MBTPS1: variants seen among roughly 807,000 people sequenced by gnomAD.
MBTPS1 encodes the protein membrane-bound transcription factor site-1 protease.
In MBTPS1, 94 loss-of-function variants were observed where a neutral mutation model predicts 127.8. That is an observed-to-expected ratio of 0.74 (90% CI 0.62 to 0.87). The LOEUF (loss-of-function observed/expected upper bound fraction) is 0.87. Ranked by LOEUF, MBTPS1 falls within the 40% of genes least tolerant of loss-of-function variation. The pLI is 0.00. For synonymous variants in MBTPS1, 632 were observed against 509.4 expected (o/e 1.24, Z -3.24); for missense variants, 1,636 against 1,353.2 (o/e 1.21, Z -3.28).
chr16:84,061,649 G>C (rs999781), intron 19 of MBTPS1: 32,937 of 152,210 alleles, frequency 0.22, 3,904 homozygotes, highest in Non-Finnish European at 0.27. Context: ...GCTTCGAGTC[G>C]GCAGGGCCCT....
At chr16:84,089,165 G>A (rs564504149) in intron 8 of MBTPS1, among the ~76,000 whole-genome samples, 9 of 152,268 alleles carry the variant, frequency 5.9e-5, no homozygotes, top group African/African-American at 2.2e-4. Flanking sequence ...ACAGAAGGAG[G>A]ACACTCATTC....
In MBTPS1 at chr16:84,069,989, A is replaced by G. The variant is rs1259781719; in HGVS notation, c.1832T>C (p.Val611Ala). 1.2e-6 allele frequency: 2 copies of G among 1,613,876 alleles called. No homozygotes were observed. Among genetic ancestry groups the G allele is most frequent in the African/African-American group, 1.3e-5 (1 of 74,850 alleles). The change falls in exon 14 of 23, where the codon GTG becomes GCG. Residue 611 changes from valine to alanine, a missense_variant. Physicochemically the swap from Val to Ala is moderately conservative, Grantham distance 64. Coordinates refer to ENST00000343411, the MANE Select transcript of MBTPS1 (RefSeq NM_003791.4). ...TCGCGGGGGAGTAGGAATTATCTTC[A>G]CCTTAATGGGGAGCTTTACTGTTGA... ...QTSTVKLPIKVKIIPTPPRSK... is the reference protein window; with the variant it reads ...QTSTVKLPIKAKIIPTPPRSK...
intron 22 of MBTPS1, among the ~76,000 whole-genome samples, chr16:84,055,612 T>G (rs920578039): frequency 3.3e-5 from 5 of 152,160 alleles, no homozygotes; most frequent in Admixed American, 6.5e-5. Flanking sequence ...GGCTGAGGGC[T>G]GGGAGCCAGG....
chr16:84,059,590 C>G (rs2085575834), intron 20 of MBTPS1, 162 bp from the exon 21 acceptor site: 2 of 581,152 alleles, frequency 3.4e-6, no homozygotes, highest in Non-Finnish European at 6.0e-6. Context: ...GGAGCCACGC[C>G]TGATTGGTTC....
chr16:84,081,839 C>T lies in MBTPS1; in HGVS notation c.1356G>A (p.Arg452=), dbSNP rs2085946407. 1 of 1,532,572 alleles carries T rather than the reference C, an allele frequency of 6.5e-7. No homozygotes were observed. The highest frequency in any genetic ancestry group is 8.8e-7 in the Non-Finnish European group (1 of 1,137,738). 94.9% of individuals were successfully genotyped at this position (1,532,572 alleles called of 1,614,324 possible). The change falls in exon 11 of 23, where the codon AGG becomes AGA. Residue 452 remains arginine (R), a synonymous_variant. Transcript: ENST00000343411. ...GCTCAAACATGTTGACCCCGGGGAG[C>T]CTCCGGGCTGACGCGATCAGGGCCT... ...MKQALIASAR[R]LPGVNMFEQG... is the part of the protein sequence containing the mutation.
At chr16:84,096,232 G>A (rs1277412445) in intron 3 of MBTPS1, among the ~76,000 whole-genome samples, 1 of 152,048 alleles carries the variant, frequency 6.6e-6, no homozygotes, top group Non-Finnish European at 1.5e-5. Flanking sequence ...TAGATTTCTT[G>A]GGCAGGCAAA....
At chr16:84,114,307 A>T (rs938309573) in intron 1 of MBTPS1, among the ~76,000 whole-genome samples, 2 of 152,136 alleles carry the variant, frequency 1.3e-5, no homozygotes, top group African/African-American at 4.8e-5. Flanking sequence ...GCAACCATTT[A>T]TTCTGGCACA....
rs747249664 is a variant in MBTPS1 at position 84,091,719 on chromosome 16, T to C, written c.963+13A>G. ...GCTGTCACCCAAACCCCGTGTGCAG[T>C]GACTCCACAAACCTTGTCAACAAAC... On this transcript the variant is annotated intron_variant, in intron 7 of 22. Transcript: ENST00000343411. 1.0e-5 allele frequency: 16 copies of C among 1,589,910 alleles called. No homozygotes were observed. The Admixed American group carries it at 2.3e-4, about 23-fold the overall frequency.
intron 1 of MBTPS1, among the ~76,000 whole-genome samples, chr16:84,110,159 T>C (rs2086379412): frequency 6.6e-6 from 1 of 152,216 alleles, no homozygotes. Flanking sequence ...GATCACTGCA[T>C]ACATAACCAG....
intron 12 of MBTPS1, among the ~76,000 whole-genome samples, chr16:84,073,974 C>G (rs1460206286): frequency 6.6e-6 from 1 of 152,058 alleles, no homozygotes; most frequent in Non-Finnish European, 1.5e-5. Flanking sequence ...CCATTGCCCT[C>G]CAGCCTGGGC....
chr16:84,059,920 A>C (rs918919761), intron 20 of MBTPS1: 5 of 152,844 alleles, frequency 3.3e-5, no homozygotes, highest in Admixed American at 3.3e-4. Context: ...ACGTGTTTAA[A>C]TTCTAATATT....
chr16:84,090,889 G>A lies in MBTPS1; in HGVS notation c.1017C>T (p.Asp339=), dbSNP rs562340557. Residue 339 remains aspartate (D), a synonymous_variant, in exon 8 of 23, where the codon GAC becomes GAT. Coordinates refer to ENST00000343411, the MANE Select transcript of MBTPS1 (RefSeq NM_003791.4). The part of the protein sequence containing the change: ...NVIMVSAIGN[D]GPLYGTLNNP... ...GGGCTACTTACCCATAAAGAGGTCC[G>A]TCATTGCCAATAGCAGAAACCATGA... is the stretch of plus-strand genomic sequence containing the variant. 28 of 1,612,282 alleles carry A rather than the reference G, an allele frequency of 1.7e-5. No homozygotes were observed. Among genetic ancestry groups the A allele is most frequent in the South Asian group, 6.6e-5 (6 of 90,692 alleles).
chr16:84,116,107 G>A (rs1284663637), intron 1 of MBTPS1, among the ~76,000 whole-genome samples: 2 of 152,126 alleles, frequency 1.3e-5, no homozygotes, highest in Non-Finnish European at 2.9e-5. Context: ...ACGTAATTTC[G>A]AAGTGTCAAT....
At chr16:84,064,146 T>A (rs909415647) in intron 18 of MBTPS1, among the ~76,000 whole-genome samples, 2 of 151,864 alleles carry the variant, frequency 1.3e-5, no homozygotes, top group Non-Finnish European at 2.9e-5. Context: ...TGCCCCTAAT[T>A]CAATTGCTTT....
At chr16:84,064,963 G>T (rs377128396) in intron 18 of MBTPS1, among the ~76,000 whole-genome samples, 1 of 152,176 alleles carries the variant, frequency 6.6e-6, no homozygotes, top group African/African-American at 2.4e-5. Context: ...TTAGAAGGGA[G>T]GGGGCCTCTC....
chr16:84,114,073 T>C (rs1262898827), intron 1 of MBTPS1, among the ~76,000 whole-genome samples: 1 of 151,374 alleles, frequency 6.6e-6, no homozygotes, highest in African/African-American at 2.4e-5. Context: ...CAAGCGATTC[T>C]CCTGCCTCAG....
At chr16:84,068,289 A>T in intron 15 of MBTPS1, 50 bp downstream of exon 15, 1 of 1,236,518 alleles carries the variant, frequency 8.1e-7, no homozygotes, top group Non-Finnish European at 1.2e-6. Flanking sequence ...TTTAACAAAC[A>T]TCCAAAGTGG....
At chr16:84,109,887 G>A (rs1309671517) in intron 1 of MBTPS1, among the ~76,000 whole-genome samples, 1 of 152,150 alleles carries the variant, frequency 6.6e-6, no homozygotes, top group Non-Finnish European at 1.5e-5. Context: ...TATGTAAGAA[G>A]GTCCTTGCTT....
In MBTPS1 at chr16:84,093,270, C is replaced by T. The variant is rs1283444350; in HGVS notation, c.764G>A (p.Gly255Asp). The T allele has an allele frequency of 6.2e-7, 1 of 1,613,778 alleles. No individual in the cohort carries two copies. Among genetic ancestry groups the T allele is most frequent in the Non-Finnish European group, 8.5e-7 (1 of 1,179,768 alleles). The change falls in exon 6 of 23, where the codon GGT (glycine) becomes GAT (aspartate). Residue 255 changes from glycine to aspartate, a missense_variant. Physicochemically the swap from Gly to Asp is moderately conservative, Grantham distance 94. Coordinates refer to ENST00000343411, the MANE Select transcript of MBTPS1 (RefSeq NM_003791.4). ...GCACTCCCTCATGCTGGCTATCACA[C>T]CTGCCACGAATGTGCCATGGCCCAA... Reference protein sequence around the residue: ...DGLGHGTFVAGVIASMRECQG... With the variant: ...DGLGHGTFVADVIASMRECQG...
Sources: gnomAD v4.1 joint callset for allele counts (sites outside exome capture counted in the v4.1 genomes callset) on GRCh38, gnomAD v4.1.1 for gene constraint, MANE v1.5 for transcripts, NCBI Gene and HGNC (gene_info 2026-07-23, HGNC 2026-07-21) for gene names.